The following PLXNC1 variants were observed in gnomAD, a reference collection of about 807,000 sequenced individuals.
PLXNC1 encodes the protein plexin C1.
In PLXNC1, 75 loss-of-function variants were observed where a neutral mutation model predicts 178.2. The ratio of observed to expected loss-of-function variants is 0.42; its 90% CI spans 0.35 to 0.51. PLXNC1 has a LOEUF of 0.51. Ranked by LOEUF, PLXNC1 falls within the 20% of genes least tolerant of loss-of-function variation. The pLI, the probability that PLXNC1 is intolerant of heterozygous loss-of-function variation, is 0.02. For missense variants in PLXNC1, 1,503 were observed against 1,984.4 expected, an observed-to-expected ratio of 0.76 and a Z score of 4.61; for synonymous variants, 790 against 779.9, an observed-to-expected ratio of 1.01 and a Z score of -0.22.
At chr12:94,296,775 T>C (rs1967962868) in intron 24 of PLXNC1, among the ~76,000 whole-genome samples, 1 of 152,226 alleles carries the variant, frequency 6.6e-6, no homozygotes, top group Admixed American at 6.5e-5. Flanking sequence ...TTATCACAGT[T>C]ATAATAATTG....
In PLXNC1 at chr12:94,149,168, AC is replaced by A; in HGVS notation, c.199del (p.Gln67SerfsTer76). On this transcript the variant is annotated frameshift_variant, in exon 1 of 31. Transcript: ENST00000258526. LOFTEE classifies it high-confidence loss of function. ...TTTGTGGCGAGCGGCAGCTGCCTGG[AC>A]CAGCTGGACTACAGCCTGGAGCACA... ...GVFVASGSCLDQLDYSLEHSL... is the reference protein window; with the variant it reads ...GVFVASGSCLXQLDYSLEHSL... The A allele has an allele frequency of 6.3e-7, 1 of 1,590,556 alleles. No individual in the cohort carries two copies. Among genetic ancestry groups the A allele is most frequent in the Non-Finnish European group, 8.5e-7 (1 of 1,172,698 alleles).
intron 23 of PLXNC1, among the ~76,000 whole-genome samples, chr12:94,286,616 C>CAAAAAAAA (rs61238982): frequency 2.0e-5 from 2 of 101,376 alleles, no homozygotes; most frequent in African/African-American, 4.0e-5. Context: ...TGCTTAAAAG[C>CAAAAAAAA]AAAAAAAAAA....
At chr12:94,176,190 T>C (rs1962042820) in intron 2 of PLXNC1, among the ~76,000 whole-genome samples, 1 of 152,222 alleles carries the variant, frequency 6.6e-6, no homozygotes, top group East Asian at 1.9e-4. Context: ...ATTGCTTCAC[T>C]GATCATGTTC....
chr12:94,162,932 G>A (rs1470014337), intron 1 of PLXNC1, among the ~76,000 whole-genome samples: 2 of 152,106 alleles, frequency 1.3e-5, no homozygotes, highest in African/African-American at 4.8e-5. Flanking sequence ...ATAATAGAGG[G>A]CACTGCTTTG....
intron 4 of PLXNC1, among the ~76,000 whole-genome samples, chr12:94,205,743 C>T (rs1290839094): frequency 1.3e-5 from 2 of 152,262 alleles, no homozygotes; most frequent in South Asian, 4.1e-4. Context: ...CCTACAGTCT[C>T]TGCCTTACCT....
intron 18 of PLXNC1, 39 bp downstream of exon 18, chr12:94,259,414 C>G: frequency 6.7e-7 from 1 of 1,487,864 alleles, no homozygotes; most frequent in Non-Finnish European, 9.2e-7. Context: ...CAGTGACTGC[C>G]TGATGTTCAT....
At chr12:94,224,593 G>A (rs1592783336) in intron 7 of PLXNC1, among the ~76,000 whole-genome samples, 1 of 152,164 alleles carries the variant, frequency 6.6e-6, no homozygotes, top group Admixed American at 6.5e-5. Context: ...CCGAGAGGCA[G>A]CCTTGAAGTA....
intron 2 of PLXNC1, among the ~76,000 whole-genome samples, chr12:94,179,469 G>T (rs547161972): frequency 1.3e-5 from 2 of 152,146 alleles, no homozygotes; most frequent in African/African-American, 4.8e-5. Flanking sequence ...GGCCAGGCAC[G>T]GTGGCTCACG....
At chr12:94,254,154 G>A (rs1964777081) in intron 15 of PLXNC1, among the ~76,000 whole-genome samples, 2 of 152,214 alleles carry the variant, frequency 1.3e-5, no homozygotes, top group African/African-American at 4.8e-5. Flanking sequence ...CAGAGATGCT[G>A]AGGAACTTAA....
At chr12:94,188,825 TG>T (rs1962616905) in intron 4 of PLXNC1, among the ~76,000 whole-genome samples, 1 of 151,906 alleles carries the variant, frequency 6.6e-6, no homozygotes, top group Non-Finnish European at 1.5e-5. Flanking sequence ...TCACCCTCAG[TG>T]GTAGGAGGGA....
Position 94,279,519 on chromosome 12 carries a change from T to A in PLXNC1, c.3645T>A (p.Asp1215Glu), listed in dbSNP as rs1243520061. 6.2e-7 allele frequency: 1 copy of A among 1,614,222 alleles called. No homozygotes were observed. Among genetic ancestry groups the A allele is most frequent in the African/African-American group, 1.3e-5 (1 of 75,072 alleles). The change falls in exon 22 of 31, where the codon GAT becomes GAA. Residue 1215 changes from aspartate (D) to glutamate (E), a missense_variant. Asp to Glu is a conservative substitution (Grantham distance 45). Around this residue, in one of 4 missense-constraint regions of PLXNC1, gnomAD observed 639 missense variants for 979.7 expected, o/e 0.65. Coordinates refer to ENST00000258526, the MANE Select transcript of PLXNC1 (RefSeq NM_005761.3). ...FEKIPENESA[D>E]VCRNISVNVL... is the part of the protein sequence containing the mutation. ...AAATCCCGGAAAACGAGAGTGCAGATGTCTGTCGGAATATTTCAGTCAATG... is the reference window on the plus strand; with the variant it reads ...AAATCCCGGAAAACGAGAGTGCAGAAGTCTGTCGGAATATTTCAGTCAATG...
chr12:94,167,061 T>C (rs1186329568), intron 1 of PLXNC1, among the ~76,000 whole-genome samples: 1 of 152,132 alleles, frequency 6.6e-6, no homozygotes, highest in Non-Finnish European at 1.5e-5. Context: ...AAAAAAAAAC[T>C]ACAATTGTTG....
chr12:94,257,717 T>C (rs549513593), intron 17 of PLXNC1, among the ~76,000 whole-genome samples: 36 of 150,972 alleles, frequency 2.4e-4, no homozygotes, highest in African/African-American at 8.8e-4. Context: ...CCATCCTGGC[T>C]AACACAGTGA....
intron 4 of PLXNC1, 65 bp from the exon 5 acceptor site, chr12:94,209,525 G>C: frequency 1.1e-6 from 1 of 905,152 alleles, no homozygotes; most frequent in Non-Finnish European, 1.8e-6. Flanking sequence ...ACTAATGCAC[G>C]TATGGGGTCG....
Position 94,260,965 on chromosome 12 carries a change from G to T in PLXNC1, c.3450+125G>T, listed in dbSNP as rs1318812428. On this transcript the variant is annotated intron_variant, in intron 20 of 30. Coordinates refer to ENST00000258526, the MANE Select transcript of PLXNC1 (RefSeq NM_005761.3). The surrounding 1 kb of genome is among the most constrained non-coding windows in gnomAD (Gnocchi z 4.4). ...TGGTGTCAGCACTTAACCATGTTTC[G>T]TCTTGGTCCTGACCCAGAACAGAGA... 2 of 817,932 alleles carry T rather than the reference G, an allele frequency of 2.4e-6. No homozygotes were observed. Among genetic ancestry groups the T allele is most frequent in the Admixed American group, 4.4e-5 (2 of 45,478 alleles). The allele number at this position is 817,932 out of a possible 1,614,324, so 50.7% of individuals were successfully genotyped here. A position where few individuals can be genotyped will look rare whatever the true frequency, so the allele number is the denominator to read the frequency against.
At chr12:94,243,863 G>T in intron 11 of PLXNC1, 75 bp from the exon 12 acceptor site, 1 of 657,364 alleles carries the variant, frequency 1.5e-6, no homozygotes, top group Non-Finnish European at 2.7e-6. Flanking sequence ...TGAATAAATT[G>T]ATAGCTTTGT....
chr12:94,251,386 CCAACT>C, intron 14 of PLXNC1, 35 bp from the exon 15 acceptor site: 3 of 1,176,426 alleles, frequency 2.6e-6, no homozygotes, highest in Non-Finnish European at 3.8e-6. Context: ...AATACAGTCC[CCAACT>C]CAATTGGGTC....
chr12:94,174,474 G>A (rs1185439500), intron 2 of PLXNC1, among the ~76,000 whole-genome samples: 5 of 152,150 alleles, frequency 3.3e-5, no homozygotes, highest in Admixed American at 6.6e-5. Context: ...CACTGCACAC[G>A]GCGCCACTCA....
intron 2 of PLXNC1, among the ~76,000 whole-genome samples, chr12:94,176,807 A>G (rs61466698): frequency 0.36 from 54,730 of 151,692 alleles, 10,998 homozygotes; most frequent in African/African-American, 0.54. Flanking sequence ...CACAGTAAAC[A>G]TATATGTTAT....
Sources: allele counts gnomAD v4.1 joint callset (sites outside exome capture counted in the v4.1 genomes callset), GRCh38; gene constraint gnomAD v4.1.1; regional missense constraint gnomAD v4.1.1; non-coding constraint Gnocchi (gnomAD v3.1); transcripts MANE v1.5; gene names NCBI Gene and HGNC (gene_info 2026-07-23, HGNC 2026-07-21).